MBD5: variants seen among roughly 807,000 people sequenced by gnomAD.
MBD5 encodes methyl-CpG binding domain protein 5, also known as methyl-CpG-binding domain protein 5.
Under a neutral mutation model 117.3 loss-of-function variants are expected in MBD5, and 13 were observed. That is an observed-to-expected ratio of 0.11 (90% CI 0.07 to 0.18). The LOEUF (loss-of-function observed/expected upper bound fraction) is 0.18, where lower values mean the gene tolerates loss of function less well. Ranked by LOEUF, MBD5 falls within the 10% of genes least tolerant of loss-of-function variation. The pLI is 1.00. For synonymous variants in MBD5, 727 were observed against 766.4 expected, an observed-to-expected ratio of 0.95 and a Z score of 0.85; for missense variants, 1,879 against 2,093.8, an observed-to-expected ratio of 0.90 and a Z score of 2.00.
In MBD5 at chr2:148,462,161, C is replaced by G. The variant is rs149051986; in HGVS notation, c.114-421C>G. On this transcript the variant is annotated intron_variant, in intron 5 of 13. Coordinates refer to ENST00000642680, the MANE Select transcript of MBD5 (RefSeq NM_001378120.1). Reference sequence around the variant, plus strand: ...GGACTTGCCAACTTTCTGGTTCGAACTTCAATATGTTTCTAAATTTCTGTT... The same window carrying G: ...GGACTTGCCAACTTTCTGGTTCGAAGTTCAATATGTTTCTAAATTTCTGTT... 2.6e-5 allele frequency among the ~76,000 whole-genome samples: 4 copies of G among 152,226 alleles called. No individual in the cohort carries two copies. In the East Asian group the frequency reaches 5.8e-4, roughly 22 times the overall value.
chr2:148,162,292 CCA>C (rs1290253352), intron 1 of MBD5, among the ~76,000 whole-genome samples: 1 of 152,106 alleles, frequency 6.6e-6, no homozygotes, highest in African/African-American at 2.4e-5. Flanking sequence ...ATCATGTTCC[CCA>C]CCCCCCTGTC....
intron 3 of MBD5, among the ~76,000 whole-genome samples, chr2:148,315,670 A>T (rs1702141383): frequency 6.6e-6 from 1 of 152,072 alleles, no homozygotes; most frequent in Admixed American, 6.6e-5. Flanking sequence ...CCCTCCATTA[A>T]TCCTCTGATA....
chr2:148,253,477 ATACC>A (rs941060368), intron 3 of MBD5, among the ~76,000 whole-genome samples: 6 of 152,206 alleles, frequency 3.9e-5, no homozygotes, highest in African/African-American at 1.4e-4. Context: ...ATATACAGGC[ATACC>A]TCAGAGATAC....
At chr2:148,025,298 A>G (rs1693862505) in intron 1 of MBD5, 1 of 152,154 alleles carries the variant, frequency 6.6e-6, no homozygotes, top group South Asian at 2.1e-4. Flanking sequence ...TATATTAACT[A>G]AATGGATACT....
intron 2 of MBD5, among the ~76,000 whole-genome samples, chr2:148,201,078 C>T (rs1391754696): frequency 1.3e-5 from 2 of 152,212 alleles, no homozygotes; most frequent in African/African-American, 4.8e-5. Flanking sequence ...GATGCCCCTC[C>T]CCAGGCCTTG....
intron 4 of MBD5, among the ~76,000 whole-genome samples, chr2:148,434,431 G>A (rs1241084208): frequency 6.6e-6 from 1 of 151,766 alleles, no homozygotes; most frequent in Non-Finnish European, 1.5e-5. Context: ...GGTTACTTTT[G>A]TGTTGCTTTT....
intron 2 of MBD5, among the ~76,000 whole-genome samples, chr2:148,224,337 T>C (rs1384383955): frequency 6.6e-6 from 1 of 151,764 alleles, no homozygotes; most frequent in Non-Finnish European, 1.5e-5. Context: ...CCTCTAGCTT[T>C]ATTTTATTTA....
intron 1 of MBD5, among the ~76,000 whole-genome samples, chr2:148,076,842 C>A (rs1344501194): frequency 6.6e-6 from 1 of 152,226 alleles, no homozygotes. Flanking sequence ...ATCCATCCCT[C>A]TTCTCTAAGT....
chr2:148,195,325 T>C (rs1198376217), intron 2 of MBD5, among the ~76,000 whole-genome samples: 1 of 152,130 alleles, frequency 6.6e-6, no homozygotes, highest in Non-Finnish European at 1.5e-5. Context: ...AAAGAGGAAA[T>C]TTTATAATAA....
intron 1 of MBD5, among the ~76,000 whole-genome samples, chr2:148,114,904 A>G (rs1696593039): frequency 6.6e-6 from 1 of 152,138 alleles, no homozygotes; most frequent in Non-Finnish European, 1.5e-5. Context: ...AAAAAAGTCT[A>G]CTAGTATACA....
chr2:148,385,675 G>T (rs1205256507), intron 4 of MBD5, among the ~76,000 whole-genome samples: 1 of 151,572 alleles, frequency 6.6e-6, no homozygotes, highest in African/African-American at 2.4e-5. Context: ...GTTTATTGCG[G>T]CACTATTCAC....
Position 148,469,676 on chromosome 2 carries a change from G to A in MBD5, c.1733G>A (p.Ser578Asn). The change falls in exon 8 of 14, where the codon AGT becomes AAT. Residue 578 changes from serine to asparagine, a missense_variant. Ser to Asn is a conservative substitution (Grantham distance 46). Around this residue, in one of 4 missense-constraint regions of MBD5, gnomAD observed 1,666 missense variants for 1,792.2 expected, o/e 0.93. Coordinates refer to ENST00000642680, the MANE Select transcript of MBD5 (RefSeq NM_001378120.1). ...AATGCTGCCTCCTTTCCAGCAAGTA[G>A]TTTACTCTCAGCAGCAGCCAAAGCA... Reference protein sequence around the residue: ...QHNAASFPASSLLSAAAKAQL... With the variant: ...QHNAASFPASNLLSAAAKAQL... 1 of 1,613,968 alleles carries A rather than the reference G, an allele frequency of 6.2e-7. No individual in the cohort carries two copies.
chr2:148,097,345 T>A (rs1435312120), intron 1 of MBD5, among the ~76,000 whole-genome samples: 1 of 152,192 alleles, frequency 6.6e-6, no homozygotes, highest in Non-Finnish European at 1.5e-5. Context: ...ACGCCTTCTA[T>A]GTTTCAAGCA....
intron 3 of MBD5, among the ~76,000 whole-genome samples, chr2:148,341,251 G>A (rs1702939611): frequency 6.6e-6 from 1 of 151,984 alleles, no homozygotes; most frequent in Admixed American, 6.6e-5. Flanking sequence ...GATACTGTGT[G>A]TGTTTTGTAT....
At chr2:148,257,771 G>C (rs1700624836) in intron 3 of MBD5, among the ~76,000 whole-genome samples, 1 of 152,186 alleles carries the variant, frequency 6.6e-6, no homozygotes, top group Admixed American at 6.5e-5. Flanking sequence ...GTTCATTGTT[G>C]CCTGTCCCAT....
intron 1 of MBD5, among the ~76,000 whole-genome samples, chr2:148,081,988 A>G (rs1022342843): frequency 2.0e-5 from 3 of 152,188 alleles, no homozygotes; most frequent in Non-Finnish European, 2.9e-5. Flanking sequence ...GCATGAGTCT[A>G]TATAATTCAT....
At position 148,463,765 on chromosome 2, in the gene MBD5, T is replaced by C. The variant is rs530472261; in HGVS notation, c.243T>C (p.Ala81=). 1.2e-6 allele frequency: 2 copies of C among 1,613,812 alleles called. No individual in the cohort carries two copies. Among genetic ancestry groups the C allele is most frequent in the South Asian group, 2.2e-5 (2 of 91,074 alleles). Residue 81 remains alanine (A), a synonymous_variant, in exon 7 of 14, where the codon GCT becomes GCC. Transcript: ENST00000642680. The stretch of plus-strand genomic sequence containing the variant: ...TATTTAATTTTGATCCTGGAGCTGC[T>C]GTGAAACAGAGAACCGCAGAAGATG... ...PKVFNFDPGA[A]VKQRTAEDVK... is the part of the protein sequence containing the mutation.
chr2:148,258,787 G>A (rs144620194), intron 3 of MBD5, among the ~76,000 whole-genome samples: 457 of 152,304 alleles, frequency 3.0e-3, no homozygotes, highest in Middle Eastern at 3.4e-3. Flanking sequence ...ATCCATGAGC[G>A]TGTCACTTGT....
intron 1 of MBD5, among the ~76,000 whole-genome samples, chr2:148,076,022 T>G (rs985457151): frequency 2.2e-4 from 33 of 152,306 alleles, no homozygotes; most frequent in African/African-American, 7.9e-4. Context: ...GTCTGTATAG[T>G]TATTTTCTTA....
Sources: allele counts gnomAD v4.1 joint callset (sites outside exome capture counted in the v4.1 genomes callset), GRCh38; gene constraint gnomAD v4.1.1; regional missense constraint gnomAD v4.1.1; transcripts MANE v1.5; gene names NCBI Gene and HGNC (gene_info 2026-07-23, HGNC 2026-07-21).